Variants in ZNF793 observed in about 807,000 individuals in gnomAD.
ZNF793 encodes the protein zinc finger protein 793.
In ZNF793, 5 loss-of-function variants were observed where a neutral mutation model predicts 12.4. That is an observed-to-expected ratio of 0.40 (90% CI 0.21 to 0.84). ZNF793 has a LOEUF of 0.84. Ranked by LOEUF, ZNF793 falls within the 40% of genes least tolerant of loss-of-function variation. The probability of loss-of-function intolerance (pLI) is 0.35; values close to 1 mark genes in which losing one functional copy is unlikely to be tolerated. For missense variants in ZNF793, 456 were observed against 495.0 expected, an observed-to-expected ratio of 0.92 and a Z score of 0.75; for synonymous variants, 162 against 172.4, an observed-to-expected ratio of 0.94 and a Z score of 0.47.
chr19:37,536,846 T>C, intron 7 of ZNF793, 51 bp from the exon 8 acceptor site: 2 of 1,530,610 alleles, frequency 1.3e-6, no homozygotes, highest in Middle Eastern at 1.8e-4. Flanking sequence ...TTGAGAGCAT[T>C]TCTTAAGTAG....
Position 37,538,717 on chromosome 19 carries a change from T to C in ZNF793, c.*838T>C, listed in dbSNP as rs2042531962. The C allele has an allele frequency of 6.6e-6, 1 of 152,206 alleles. No homozygotes were observed. 9.4% of individuals were successfully genotyped at this position (152,206 alleles called of 1,614,324 possible). On this transcript the variant is annotated 3_prime_UTR_variant, in exon 8 of 8. Transcript: ENST00000627814. ...ACCCTGGCATGTAAACGTTTAAAAA[T>C]GTATTAAATGGAATAACAGCAGAAT... is the stretch of plus-strand genomic sequence containing the variant.
rs749191149 is a variant in ZNF793, at chr19:37,532,463, T to G, written c.123T>G (p.Tyr41Ter). 6.2e-7 allele frequency: 1 copy of G among 1,609,626 alleles called. No homozygotes were observed. The highest frequency in any genetic ancestry group is 1.3e-5 in the African/African-American group (1 of 74,826). The change falls in exon 6 of 8, where the codon TAT becomes TAG. Residue 41 changes from tyrosine (Y) to a stop codon, truncating the protein, a stop_gained. Transcript: ENST00000627814. LOFTEE classifies it high-confidence loss of function. The part of the protein sequence containing the change: ...ALYRDVMLET[Y>*]SNLVSVGYEG... ...ACCGGGATGTGATGCTGGAAACCTA[T>G]AGCAACCTCGTCTCAGTGGGTAAGA...
chr19:37,537,149 A>G lies in ZNF793; in HGVS notation c.491A>G (p.Asp164Gly), dbSNP rs2042512002. ...AAGAGAAACTGTGCAAAAAAGCAAG[A>G]TGAGTGTTATGCTTATGGGAAATTG... ...GFKRNCAKKQ[D>G]ECYAYGKLLQ... The change falls in exon 8 of 8, where the codon GAT becomes GGT. Residue 164 changes from aspartate to glycine, a missense_variant. Asp to Gly is a moderately conservative substitution (Grantham distance 94, BLOSUM62 -1). Coordinates refer to ENST00000627814, the MANE Select transcript of ZNF793 (RefSeq NM_001013659.3). 6.2e-7 allele frequency: 1 copy of G among 1,613,426 alleles called. No homozygotes were observed. The highest frequency in any genetic ancestry group is 1.3e-5 in the African/African-American group (1 of 74,942).
chr19:37,537,043 CT>C lies in ZNF793; in HGVS notation c.391del (p.Ser131LeufsTer16). On this transcript the variant is annotated frameshift_variant, in exon 8 of 8. Transcript: ENST00000627814. LOFTEE classifies it low-confidence loss of function (END_TRUNC). Reference sequence around the variant, plus strand: ...GAAAATATCACTTCTGAGCACTGATCTTTTTTCTTCAATCCAGAGCCCTAGT... The same window carrying C: ...GAAAATATCACTTCTGAGCACTGATCTTTTTCTTCAATCCAGAGCCCTAGT... ...FGKISLLSTD[L>X]FSSIQSPSNW... The C allele has an allele frequency of 3.1e-6, 5 of 1,613,908 alleles. No homozygotes were observed. The highest frequency in any genetic ancestry group is 4.2e-6 in the Non-Finnish European group (5 of 1,179,852).
chr19:37,529,981 T>A (rs1444913381), intron 5 of ZNF793, among the ~76,000 whole-genome samples: 2 of 151,550 alleles, frequency 1.3e-5, no homozygotes, highest in African/African-American at 4.9e-5. Context: ...TATTTATTGA[T>A]CATTCTTGGG....
At chr19:37,523,266 T>A in intron 4 of ZNF793, 144 bp from the exon 5 acceptor site, 1 of 660,356 alleles carries the variant, frequency 1.5e-6, no homozygotes, top group East Asian at 2.7e-5. Context: ...TCAAATAAGG[T>A]GTAAGCCACC....
At chr19:37,519,221 A>G (rs1304500360) in intron 2 of ZNF793, among the ~76,000 whole-genome samples, 2 of 152,170 alleles carry the variant, frequency 1.3e-5, no homozygotes, top group Non-Finnish European at 2.9e-5. Context: ...AGCTGAGATC[A>G]TGCCACTGCA....
At chr19:37,509,715 TA>T (rs2042278445) in intron 2 of ZNF793, among the ~76,000 whole-genome samples, 1 of 152,186 alleles carries the variant, frequency 6.6e-6, no homozygotes, top group African/African-American at 2.4e-5. Flanking sequence ...AGCAAATAAT[TA>T]AAAAGAAATT....
chr19:37,508,405 T>G lies in ZNF793; in HGVS notation c.-276+2T>G, dbSNP rs959648129. The G allele has an allele frequency of 6.6e-6, 1 of 152,004 alleles. No homozygotes were observed. Among genetic ancestry groups the G allele is most frequent in the African/African-American group, 2.4e-5 (1 of 41,378 alleles). The allele number at this position is 152,004 out of a possible 1,614,324, so 9.4% of individuals were successfully genotyped here. ...GTGGTTAGAAAACAAATTTACTGAG[T>G]AAGTATCTAAAATGATAATGTAGGC... is the stretch of plus-strand genomic sequence containing the variant. On this transcript the variant is annotated splice_donor_variant, in intron 2 of 7. Transcript: ENST00000627814. LOFTEE classifies it low-confidence loss of function (5UTR_SPLICE).
intron 7 of ZNF793, chr19:37,535,730 G>C (rs1224427921): frequency 1.3e-5 from 2 of 151,756 alleles, no homozygotes; most frequent in Non-Finnish European, 2.9e-5. Flanking sequence ...CATCATGTTG[G>C]TCAGGCTAGT....
intron 2 of ZNF793, among the ~76,000 whole-genome samples, chr19:37,510,130 G>A (rs2042281627): frequency 6.6e-6 from 1 of 152,130 alleles, no homozygotes; most frequent in Non-Finnish European, 1.5e-5. Context: ...GAAGGCTGGG[G>A]TAGGAGGGTT....
intron 5 of ZNF793, among the ~76,000 whole-genome samples, chr19:37,530,148 A>G (rs2042446825): frequency 6.6e-6 from 1 of 152,200 alleles, no homozygotes; most frequent in Admixed American, 6.5e-5. Flanking sequence ...TCAATGCCTT[A>G]CAGAGCAGTA....
At position 37,542,415 on chromosome 19, in the gene ZNF793, C is replaced by A. The variant is rs999357766; in HGVS notation, c.*4536C>A. On this transcript the variant is annotated 3_prime_UTR_variant, in exon 8 of 8. Transcript: ENST00000627814. ...CATCTCAAAAGAAAAGAAAAGAAAT[C>A]TGTTAATATTATTAAAATATTTATG... The A allele has an allele frequency of 3.1e-5, 12 of 381,870 alleles. No individual in the cohort carries two copies. The highest frequency in any genetic ancestry group is 2.5e-4 in the African/African-American group (12 of 47,288). 23.7% of individuals were successfully genotyped at this position (381,870 alleles called of 1,614,324 possible). A position where few individuals can be genotyped will look rare whatever the true frequency, so the allele number is the denominator to read the frequency against.
intron 4 of ZNF793, 117 bp downstream of exon 4, chr19:37,522,764 A>G (rs1297245124): frequency 6.6e-6 from 1 of 152,212 alleles, no homozygotes; most frequent in Non-Finnish European, 1.5e-5. Flanking sequence ...TACCCTTCAC[A>G]GTGCATTATA....
chr19:37,510,663 G>A (rs2042286871), intron 2 of ZNF793, among the ~76,000 whole-genome samples: 1 of 150,550 alleles, frequency 6.6e-6, no homozygotes, highest in South Asian at 2.1e-4. Flanking sequence ...TAGCCTGGGT[G>A]ACAGAGTGAG....
In ZNF793 at chr19:37,537,126, G is replaced by C. The variant is rs374699540; in HGVS notation, c.468G>C (p.Lys156Asn). ...LNHNLDLIGF[K>N]RNCAKKQDEC... is the part of the protein sequence containing the mutation. ...ATAATTTAGACTTGATTGGTTTTAAGAGAAACTGTGCAAAAAAGCAAGATG... is the reference window on the plus strand; with the variant it reads ...ATAATTTAGACTTGATTGGTTTTAACAGAAACTGTGCAAAAAAGCAAGATG... Residue 156 changes from lysine (K) to asparagine (N), a missense_variant, in exon 8 of 8, where the codon AAG (lysine) becomes AAC (asparagine). Lys to Asn is a moderately conservative substitution (Grantham distance 94). Coordinates refer to ENST00000627814, the MANE Select transcript of ZNF793 (RefSeq NM_001013659.3). The C allele has an allele frequency of 6.2e-7, 1 of 1,613,406 alleles. No homozygotes were observed. The highest frequency in any genetic ancestry group is 8.5e-7 in the Non-Finnish European group (1 of 1,179,554).
In ZNF793 at chr19:37,532,206, G is replaced by C. The variant is rs938682916; in HGVS notation, c.16-150G>C. 6.3e-6 allele frequency: 5 copies of C among 790,808 alleles called. No homozygotes were observed. The Middle Eastern group carries it at 1.1e-3, about 180-fold the overall frequency. 49.0% of individuals were successfully genotyped at this position (790,808 alleles called of 1,614,324 possible). On this transcript the variant is annotated intron_variant, in intron 5 of 7. Coordinates refer to ENST00000627814, the MANE Select transcript of ZNF793 (RefSeq NM_001013659.3). ...TTTTTGTATTTTTAGTATAGACGGG[G>C]TTTCACCATGTTTGCCAGGCTGATC...
chr19:37,537,196 A>G lies in ZNF793; in HGVS notation c.538A>G (p.Arg180Gly), dbSNP rs1023182078. The G allele has an allele frequency of 6.2e-7, 1 of 1,613,854 alleles. No individual in the cohort carries two copies. Among genetic ancestry groups the G allele is most frequent in the Admixed American group, 1.7e-5 (1 of 59,976 alleles). Residue 180 changes from arginine (R) to glycine (G), a missense_variant, in exon 8 of 8, where the codon AGA (arginine) becomes GGA (glycine). Transcript: ENST00000627814. ...GKLLQRINHGRRPNGEKPRGC... is the reference protein window; with the variant it reads ...GKLLQRINHGGRPNGEKPRGC... ...ATTGCTTCAGCGTATAAATCATGGT[A>G]GACGACCTAATGGAGAAAAGCCCCG...
At chr19:37,509,811 G>T (rs894036250) in intron 2 of ZNF793, among the ~76,000 whole-genome samples, 2 of 152,068 alleles carry the variant, frequency 1.3e-5, no homozygotes, top group African/African-American at 4.8e-5. Context: ...AATACCCCTG[G>T]GTAATGCACT....
Sources: allele counts gnomAD v4.1 joint callset (sites outside exome capture counted in the v4.1 genomes callset), GRCh38; gene constraint gnomAD v4.1.1; transcripts MANE v1.5; gene names NCBI Gene and HGNC (gene_info 2026-07-23, HGNC 2026-07-21).